The following CNTNAP2 variants were observed in gnomAD, a reference collection of about 807,000 sequenced individuals.
CNTNAP2 encodes the protein contactin-associated protein-like 2.
A neutral mutation model predicts 155.2 loss-of-function variants in CNTNAP2; 98 were observed. The ratio of observed to expected loss-of-function variants is 0.63; its 90% CI spans 0.54 to 0.75. The LOEUF (loss-of-function observed/expected upper bound fraction) is 0.75, where lower values mean the gene tolerates loss of function less well. Among genes scored for constraint, CNTNAP2 ranks in the 30% least tolerant of loss-of-function variants. CNTNAP2 has a pLI of 0.00. For missense variants in CNTNAP2, 1,727 were observed against 1,688.1 expected (o/e 1.02, Z -0.40); for synonymous variants, 651 against 631.2 (o/e 1.03, Z -0.47).
intron 13 of CNTNAP2, among the ~76,000 whole-genome samples, chr7:147,736,424 A>T (rs1796846000): frequency 6.6e-6 from 1 of 152,100 alleles, no homozygotes; most frequent in Admixed American, 6.6e-5. Context: ...TTTGTGGGTA[A>T]CCCGACCTTT....
At chr7:146,331,461 G>A (rs1430646165) in intron 1 of CNTNAP2, among the ~76,000 whole-genome samples, 1 of 152,140 alleles carries the variant, frequency 6.6e-6, no homozygotes, top group East Asian at 1.9e-4. Flanking sequence ...GAACATCAGA[G>A]AGCAGTCAGA....
intron 13 of CNTNAP2, among the ~76,000 whole-genome samples, chr7:147,753,633 T>C (rs943071849): frequency 1.3e-5 from 2 of 152,002 alleles, no homozygotes; most frequent in African/African-American, 4.8e-5. Flanking sequence ...ATAAAACAGA[T>C]CAAAAAGCAT....
intron 13 of CNTNAP2, among the ~76,000 whole-genome samples, chr7:147,661,136 T>C (rs78531706): frequency 0.045 from 6,890 of 152,238 alleles, 513 homozygotes; most frequent in African/African-American, 0.16. Context: ...CCTCTTCCAG[T>C]CATGTAGTAG....
chr7:147,486,358 T>G (rs759647438), intron 11 of CNTNAP2, among the ~76,000 whole-genome samples: 1 of 152,154 alleles, frequency 6.6e-6, no homozygotes, highest in Non-Finnish European at 1.5e-5. Context: ...TTGGGTCGAT[T>G]GTTTGGGAAA....
chr7:148,269,644 C>G (rs989538416), intron 21 of CNTNAP2, among the ~76,000 whole-genome samples: 1 of 152,198 alleles, frequency 6.6e-6, no homozygotes, highest in Admixed American at 6.5e-5. Flanking sequence ...TGAAGACAGT[C>G]CAGACTCTTA....
At position 147,429,240 on chromosome 7, in the gene CNTNAP2, A is replaced by G. The variant is rs138190507; in HGVS notation, c.1670+33460A>G. ...GTCTTCCTTATTTTTGCAATTGCAG[A>G]TTGTCATTTTTTGATTTTTTTAAAT... On this transcript the variant is annotated intron_variant, in intron 10 of 23. Coordinates refer to ENST00000361727, the MANE Select transcript of CNTNAP2 (RefSeq NM_014141.6). Among the ~76,000 whole-genome samples the G allele has an allele frequency of 5.3e-3, 806 of 151,482 alleles. 4 individuals carry two copies. Among genetic ancestry groups the G allele is most frequent in the Middle Eastern group, 0.01 (3 of 288 alleles).
intron 3 of CNTNAP2, among the ~76,000 whole-genome samples, chr7:147,032,584 A>G (rs1461284477): frequency 6.6e-6 from 1 of 152,154 alleles, no homozygotes; most frequent in East Asian, 1.9e-4. Context: ...TTTTCTTTCT[A>G]TACTGAAATG....
At position 147,137,376 on chromosome 7, in the gene CNTNAP2, T is replaced by C. The variant is rs151282709; in HGVS notation, c.1348+4867T>C. Among the ~76,000 whole-genome samples, 3 of 151,596 alleles carry C rather than the reference T, an allele frequency of 2.0e-5. No individual in the cohort carries two copies. In the East Asian group the frequency reaches 5.8e-4, roughly 30 times the overall value. Reference sequence around the variant, plus strand: ...TCAGAATGAAATAATATAATACTAATGTTGATCATCTCTAATTGGTGGGTT... The same window carrying C: ...TCAGAATGAAATAATATAATACTAACGTTGATCATCTCTAATTGGTGGGTT... On this transcript the variant is annotated intron_variant, in intron 8 of 23. Transcript: ENST00000361727.
At chr7:147,934,523 T>C (rs1002226370) in intron 14 of CNTNAP2, among the ~76,000 whole-genome samples, 3 of 152,152 alleles carry the variant, frequency 2.0e-5, no homozygotes, top group Non-Finnish European at 4.4e-5. Flanking sequence ...ATATGGGAAT[T>C]CAAGATGAGA....
intron 1 of CNTNAP2, among the ~76,000 whole-genome samples, chr7:146,684,904 C>T (rs1800569872): frequency 6.6e-6 from 1 of 152,062 alleles, no homozygotes; most frequent in Non-Finnish European, 1.5e-5. Context: ...ATGGATTTGG[C>T]TTTCAGATGG....
chr7:146,740,766 C>T (rs1421359036), intron 1 of CNTNAP2, among the ~76,000 whole-genome samples: 2 of 152,222 alleles, frequency 1.3e-5, no homozygotes, highest in Non-Finnish European at 2.9e-5. Context: ...GAACCCACTA[C>T]AGCAGGCTAG....
chr7:146,699,101 G>T (rs1800832580), intron 1 of CNTNAP2, among the ~76,000 whole-genome samples: 1 of 152,066 alleles, frequency 6.6e-6, no homozygotes, highest in Non-Finnish European at 1.5e-5. Context: ...TAATTGCAAA[G>T]TTTCTGCTGT....
At chr7:146,985,143 G>C (rs765186858) in intron 3 of CNTNAP2, among the ~76,000 whole-genome samples, 1 of 152,058 alleles carries the variant, frequency 6.6e-6, no homozygotes, top group African/African-American at 2.4e-5. Context: ...GATGAAAAGA[G>C]AATGTACACC....
chr7:146,138,518 T>C (rs1219003697), intron 1 of CNTNAP2, among the ~76,000 whole-genome samples: 1 of 152,148 alleles, frequency 6.6e-6, no homozygotes, highest in Non-Finnish European at 1.5e-5. Context: ...ATATAGACCA[T>C]ATCATTCACA....
At chr7:147,751,057 A>G (rs1797127094) in intron 13 of CNTNAP2, among the ~76,000 whole-genome samples, 2 of 151,118 alleles carry the variant, frequency 1.3e-5, no homozygotes, top group African/African-American at 4.8e-5. Context: ...AAAAATAAAA[A>G]TAATAATAAT....
chr7:147,061,310 C>A (rs1319735966), intron 4 of CNTNAP2, among the ~76,000 whole-genome samples: 2 of 152,044 alleles, frequency 1.3e-5, no homozygotes, highest in East Asian at 3.9e-4. Context: ...AATGATTAGT[C>A]AAAATTGTGA....
At chr7:146,359,343 C>T (rs916276143) in intron 1 of CNTNAP2, among the ~76,000 whole-genome samples, 1 of 152,226 alleles carries the variant, frequency 6.6e-6, no homozygotes, top group Admixed American at 6.5e-5. Context: ...TACTTTCATT[C>T]CTAAGGCTTC....
At chr7:146,805,137 G>A (rs114153332) in intron 2 of CNTNAP2, among the ~76,000 whole-genome samples, 128 of 152,218 alleles carry the variant, frequency 8.4e-4, no homozygotes, top group African/African-American at 2.9e-3. Context: ...CATAGTGTTT[G>A]GGGTCTTAAG....
At chr7:147,946,960 C>A (rs554714590) in intron 14 of CNTNAP2, among the ~76,000 whole-genome samples, 1 of 152,196 alleles carries the variant, frequency 6.6e-6, no homozygotes, top group Admixed American at 6.5e-5. Flanking sequence ...TATTTGTATA[C>A]CCTTCTTCAC....
Sources: gnomAD v4.1 joint callset for allele counts (sites outside exome capture counted in the v4.1 genomes callset) on GRCh38, gnomAD v4.1.1 for gene constraint, MANE v1.5 for transcripts, NCBI Gene and HGNC (gene_info 2026-07-23, HGNC 2026-07-21) for gene names.